Variants in SRGAP2C observed in about 807,000 individuals in gnomAD.
The protein encoded by SRGAP2C is SLIT-ROBO Rho GTPase-activating protein 2C.
Under a neutral mutation model 25.1 loss-of-function variants are expected in SRGAP2C, and 15 were observed. The ratio of observed to expected loss-of-function variants is 0.60; its 90% CI spans 0.40 to 0.92. The LOEUF (loss-of-function observed/expected upper bound fraction) is 0.92. SRGAP2C is among the 40% of genes least tolerant of loss of function. The pLI is 0.00. For missense variants in SRGAP2C, 144 were observed against 264.4 expected, an observed-to-expected ratio of 0.54 and a Z score of 3.16; for synonymous variants, 44 against 96.6, an observed-to-expected ratio of 0.46 and a Z score of 3.19.
In SRGAP2C at chr1:121,188,016, G is replaced by A. The variant is rs201317218; in HGVS notation, c.67+503G>A. Among the ~76,000 whole-genome samples the A allele has an allele frequency of 6.4e-4, 98 of 152,254 alleles. No individual in the cohort carries two copies. The East Asian group carries it at 0.018, about 27-fold the overall frequency. ...ATATTAAAACATGAGATTTGCAATG[G>A]CATTGGCACCAAAAGTCCATTGCCA... is the stretch of plus-strand genomic sequence containing the variant. On this transcript the variant is annotated intron_variant, in intron 2 of 9. Transcript: ENST00000367123.
At chr1:121,274,058 A>G (rs1274114375) in intron 2 of SRGAP2C, among the ~76,000 whole-genome samples, 3 of 149,578 alleles carry the variant, frequency 2.0e-5, no homozygotes, top group African/African-American at 4.9e-5. Context: ...ATAATGATAG[A>G]CTTCTCATTG....
intron 2 of SRGAP2C, among the ~76,000 whole-genome samples, chr1:121,224,854 A>C (rs1299155654): frequency 2.0e-5 from 3 of 151,238 alleles, no homozygotes; most frequent in African/African-American, 4.9e-5. Flanking sequence ...AGTGAAAAGG[A>C]TGTGTACACA....
intron 4 of SRGAP2C, among the ~76,000 whole-genome samples, chr1:121,347,594 G>C (rs1165126332): frequency 2.0e-5 from 3 of 152,168 alleles, no homozygotes; most frequent in African/African-American, 7.2e-5. Context: ...TCAACTTGCT[G>C]GTTTTAAGTC....
At chr1:121,216,465 A>G (rs1655389196) in intron 2 of SRGAP2C, among the ~76,000 whole-genome samples, 2 of 151,728 alleles carry the variant, frequency 1.3e-5, no homozygotes, top group Admixed American at 1.3e-4. Flanking sequence ...AAGGAACAAA[A>G]AAAGACAATG....
intron 2 of SRGAP2C, among the ~76,000 whole-genome samples, chr1:121,268,504 A>C (rs1656861788): frequency 6.7e-6 from 1 of 150,038 alleles, no homozygotes; most frequent in Non-Finnish European, 1.5e-5. Context: ...GCAAGGGAGG[A>C]GGCAGCAAGA....
At chr1:121,368,576 A>T (rs1258618902) in intron 5 of SRGAP2C, among the ~76,000 whole-genome samples, 4 of 151,940 alleles carry the variant, frequency 2.6e-5, no homozygotes, top group Admixed American at 1.3e-4. Context: ...CTGAAACTGG[A>T]AAAGTTCGAG....
chr1:121,368,580 G>T (rs1659405544), intron 5 of SRGAP2C, among the ~76,000 whole-genome samples: 1 of 152,056 alleles, frequency 6.6e-6, no homozygotes, highest in African/African-American at 2.4e-5. Context: ...AACTGGAAAA[G>T]TTCGAGGTTA....
At chr1:121,343,624 A>C (rs1658679469) in intron 4 of SRGAP2C, among the ~76,000 whole-genome samples, 1 of 114,742 alleles carries the variant, frequency 8.7e-6, no homozygotes. Flanking sequence ...TCTTAGTTGG[A>C]AAATCAGGCC....
rs1431922347 is a variant in SRGAP2C at position 121,334,633 on chromosome 1, CTTCT to C, written c.423+9996_423+9999del. Among the ~76,000 whole-genome samples, 16 of 141,754 alleles carry C rather than the reference CTTCT, an allele frequency of 1.1e-4. No homozygotes were observed. In the East Asian group the frequency reaches 2.2e-3, roughly 20 times the overall value. The allele number at this position is 141,754 out of a possible 152,430, so 93.0% of individuals were successfully genotyped here. A position where few individuals can be genotyped will look rare whatever the true frequency, so the allele number is the denominator to read the frequency against. ...CAGGCGTGAGCTGCCATGCCCAGCC[CTTCT>C]TTATTTGGCTGCTTCCAATATTTAT... On this transcript the variant is annotated intron_variant, in intron 4 of 9. Transcript: ENST00000367123.
chr1:121,377,111 A>T (rs1289145987), intron 7 of SRGAP2C, among the ~76,000 whole-genome samples: 23 of 122,604 alleles, frequency 1.9e-4, no homozygotes, highest in Non-Finnish European at 3.6e-4. Flanking sequence ...TTCATCATTT[A>T]AAAAAAAAAA....
intron 2 of SRGAP2C, among the ~76,000 whole-genome samples, chr1:121,232,654 T>A: frequency 6.6e-6 from 1 of 151,786 alleles, no homozygotes; most frequent in South Asian, 2.1e-4. Flanking sequence ...TGCACTTTCA[T>A]AGTTTACACT....
chr1:121,303,930 C>T (rs1480326796), intron 3 of SRGAP2C, among the ~76,000 whole-genome samples: 6 of 146,662 alleles, frequency 4.1e-5, no homozygotes, highest in Non-Finnish European at 9.1e-5. Flanking sequence ...CCAGGCCGGG[C>T]GCGATGGCTC....
intron 4 of SRGAP2C, among the ~76,000 whole-genome samples, chr1:121,331,173 A>AAAAAAAAAAAAG (rs1658423283): frequency 8.3e-6 from 1 of 120,194 alleles, no homozygotes; most frequent in Non-Finnish European, 1.7e-5. Flanking sequence ...AAAAAAAAAA[A>AAAAAAAAAAAAG]GAGGTCCATA....
chr1:121,267,795 A>G (rs1656836039), intron 2 of SRGAP2C, among the ~76,000 whole-genome samples: 1 of 135,798 alleles, frequency 7.4e-6, no homozygotes, highest in Non-Finnish European at 1.6e-5. Flanking sequence ...ACTTGTCAAA[A>G]TATAGCAGAG....
intron 2 of SRGAP2C, among the ~76,000 whole-genome samples, chr1:121,219,400 A>C: frequency 3.4e-5 from 2 of 58,414 alleles, no homozygotes; most frequent in South Asian, 6.4e-4. Context: ...CTATTAAACT[A>C]TAAGCTTTTG....
At chr1:121,263,448 A>C (rs1351235222) in intron 2 of SRGAP2C, among the ~76,000 whole-genome samples, 1 of 150,848 alleles carries the variant, frequency 6.6e-6, no homozygotes, top group Non-Finnish European at 1.5e-5. Context: ...AAAAAAAAAA[A>C]AACTTCAGTG....
intron 3 of SRGAP2C, among the ~76,000 whole-genome samples, chr1:121,313,790 G>T (rs1435456645): frequency 7.7e-6 from 1 of 129,504 alleles, no homozygotes; most frequent in African/African-American, 2.9e-5. Flanking sequence ...TCTGCCGAGA[G>T]ATCCACTGTT....
chr1:121,370,439 CT>C (rs201539761), intron 5 of SRGAP2C, among the ~76,000 whole-genome samples: 30,451 of 81,740 alleles, frequency 0.37, 4,163 homozygotes, highest in East Asian at 0.42. Flanking sequence ...CTCAGACTTC[CT>C]TTTTTTTTTT....
At chr1:121,250,892 G>A (rs1553331359) in intron 2 of SRGAP2C, among the ~76,000 whole-genome samples, 1 of 136,718 alleles carries the variant, frequency 7.3e-6, no homozygotes, top group African/African-American at 2.9e-5. Flanking sequence ...GGTGCTGGTT[G>A]CATGATTTTG....
Sources: gnomAD v4.1 joint callset for allele counts (sites outside exome capture counted in the v4.1 genomes callset) on GRCh38, gnomAD v4.1.1 for gene constraint, MANE v1.5 for transcripts, NCBI Gene and HGNC (gene_info 2026-07-23, HGNC 2026-07-21) for gene names.